LSAMP: variants seen among roughly 807,000 people sequenced by gnomAD.
The protein encoded by LSAMP is limbic system associated membrane protein, also known as limbic system-associated membrane protein.
A neutral mutation model predicts 38.6 loss-of-function variants in LSAMP; 7 were observed. The observed-to-expected ratio is 0.18, with a 90% CI of 0.10 to 0.34. The LOEUF (loss-of-function observed/expected upper bound fraction) is 0.34. LSAMP is among the 10% of genes least tolerant of loss of function. The pLI is 1.00. For missense variants in LSAMP, 313 were observed against 420.0 expected, an observed-to-expected ratio of 0.75 and a Z score of 2.23; for synonymous variants, 154 against 166.8, an observed-to-expected ratio of 0.92 and a Z score of 0.59.
chr3:116,286,793 T>G (rs1328463948), intron 1 of LSAMP, among the ~76,000 whole-genome samples: 1 of 152,100 alleles, frequency 6.6e-6, no homozygotes, highest in Non-Finnish European at 1.5e-5. Flanking sequence ...CTAGCAAATT[T>G]TTATCAGTAG....
At chr3:116,206,944 A>C (rs989670194) in intron 1 of LSAMP, among the ~76,000 whole-genome samples, 6 of 150,008 alleles carry the variant, frequency 4.0e-5, no homozygotes, top group African/African-American at 1.5e-4. Context: ...GCTGAGTTCA[A>C]TTCCTGGGTA....
chr3:116,200,385 G>A (rs1296165620), intron 1 of LSAMP, among the ~76,000 whole-genome samples: 1 of 152,152 alleles, frequency 6.6e-6, no homozygotes, highest in African/African-American at 2.4e-5. Flanking sequence ...TGTGGAATGT[G>A]CCATTCCCAA....
chr3:116,166,088 A>G (rs902502733), intron 1 of LSAMP, among the ~76,000 whole-genome samples: 5 of 152,230 alleles, frequency 3.3e-5, no homozygotes, highest in Non-Finnish European at 7.3e-5. Flanking sequence ...AGCCCCAGTG[A>G]TTACCATAAT....
At chr3:116,427,301 T>C (rs1255918905) in intron 1 of LSAMP, among the ~76,000 whole-genome samples, 10 of 151,476 alleles carry the variant, frequency 6.6e-5, no homozygotes, top group Admixed American at 5.9e-4. Context: ...TTTGTATTTT[T>C]AGTAGAGACG....
chr3:116,156,028 G>T (rs908052190), intron 1 of LSAMP, among the ~76,000 whole-genome samples: 1 of 152,176 alleles, frequency 6.6e-6, no homozygotes, highest in Non-Finnish European at 1.5e-5. Context: ...AACATATGAA[G>T]TGCAAGGGGC....
intron 6 of LSAMP, among the ~76,000 whole-genome samples, chr3:115,829,561 A>G (rs1445877468): frequency 1.3e-5 from 2 of 152,208 alleles, no homozygotes; most frequent in African/African-American, 4.8e-5. Context: ...TTCCTAGGAC[A>G]TACTTTATAC....
chr3:115,808,068 G>GCCTTCCTTTCCTTTCT lies in LSAMP; in HGVS notation c.*2233_*2248dup, dbSNP rs1933670817. The GCCTTCCTTTCCTTTCT allele has an allele frequency of 7.2e-6, 1 of 138,050 alleles. No homozygotes were observed. The highest frequency in any genetic ancestry group is 1.5e-5 in the Non-Finnish European group (1 of 65,164). The allele number at this position is 138,050 out of a possible 1,614,324, so 8.6% of individuals were successfully genotyped here. ...TGCTACTTAGATCTTTCTCCCTCCT[G>GCCTTCCTTTCCTTTCT]CCTTCCTTTCCTTTCTCCTTCCTTC... is the stretch of plus-strand genomic sequence containing the variant. On this transcript the variant is annotated 3_prime_UTR_variant, in exon 7 of 7. Coordinates refer to ENST00000490035, the MANE Select transcript of LSAMP (RefSeq NM_002338.5).
At chr3:116,352,199 T>C (rs1369439668) in intron 1 of LSAMP, among the ~76,000 whole-genome samples, 1 of 152,072 alleles carries the variant, frequency 6.6e-6, no homozygotes, top group East Asian at 1.9e-4. Context: ...ACAAAGGGAA[T>C]CTTTAAAATC....
intron 1 of LSAMP, among the ~76,000 whole-genome samples, chr3:116,382,515 GA>G (rs1276676530): frequency 2.3e-5 from 3 of 131,486 alleles, no homozygotes; most frequent in Non-Finnish European, 3.2e-5. Context: ...GGGGTCGGGG[GA>G]GGGGGGAGGG....
intron 4 of LSAMP, among the ~76,000 whole-genome samples, chr3:115,850,797 G>A (rs1357327881): frequency 6.6e-6 from 1 of 152,170 alleles, no homozygotes; most frequent in Non-Finnish European, 1.5e-5. Flanking sequence ...AGGTCTGCAA[G>A]GCTGGAGAAG....
chr3:116,175,821 G>A (rs1276520280), intron 1 of LSAMP, among the ~76,000 whole-genome samples: 1 of 152,074 alleles, frequency 6.6e-6, no homozygotes, highest in African/African-American at 2.4e-5. Flanking sequence ...CAGAGCCAAA[G>A]TTTCTGGTAC....
intron 3 of LSAMP, among the ~76,000 whole-genome samples, chr3:115,890,907 T>A (rs1377701657): frequency 6.6e-6 from 1 of 151,926 alleles, no homozygotes; most frequent in Non-Finnish European, 1.5e-5. Flanking sequence ...TTGCATTGCA[T>A]CATGAGCATC....
intron 1 of LSAMP, among the ~76,000 whole-genome samples, chr3:116,348,053 G>A (rs938577411): frequency 5.3e-5 from 8 of 151,548 alleles, no homozygotes; most frequent in African/African-American, 1.2e-4. Context: ...TGTATATCTG[G>A]TACTCCAGCA....
intron 1 of LSAMP, among the ~76,000 whole-genome samples, chr3:116,181,247 C>T (rs1710478875): frequency 1.3e-5 from 2 of 152,030 alleles, no homozygotes; most frequent in Middle Eastern, 6.8e-3. Context: ...GTAAAAATCA[C>T]AACACTGCCA....
intron 3 of LSAMP, among the ~76,000 whole-genome samples, chr3:115,923,456 T>C (rs1341263781): frequency 6.6e-6 from 1 of 152,228 alleles, no homozygotes; most frequent in African/African-American, 2.4e-5. Flanking sequence ...CTCATAAAGA[T>C]ATTTTGGTGC....
intron 1 of LSAMP, among the ~76,000 whole-genome samples, chr3:116,181,880 C>T (rs891312163): frequency 2.0e-5 from 3 of 151,946 alleles, no homozygotes; most frequent in Non-Finnish European, 2.9e-5. Flanking sequence ...AAATCTCTTT[C>T]GTGGGAATCA....
intron 1 of LSAMP, among the ~76,000 whole-genome samples, chr3:116,438,696 CA>C (rs1211005176): frequency 6.6e-6 from 1 of 152,142 alleles, no homozygotes; most frequent in Non-Finnish European, 1.5e-5. Flanking sequence ...GCATTAGAAG[CA>C]ACAACAAAAA....
chr3:116,120,552 C>T (rs1049173025), intron 1 of LSAMP, among the ~76,000 whole-genome samples: 4 of 152,102 alleles, frequency 2.6e-5, no homozygotes, highest in African/African-American at 9.7e-5. Flanking sequence ...TTTTTACTTG[C>T]AGTAGAAGTC....
intron 1 of LSAMP, among the ~76,000 whole-genome samples, chr3:116,353,753 A>G (rs1272719064): frequency 6.6e-6 from 1 of 152,112 alleles, no homozygotes; most frequent in Non-Finnish European, 1.5e-5. Flanking sequence ...AATATAATGA[A>G]ATGCATTGAT....
Sources: gnomAD v4.1 joint callset for allele counts (sites outside exome capture counted in the v4.1 genomes callset) on GRCh38, gnomAD v4.1.1 for gene constraint, MANE v1.5 for transcripts, NCBI Gene and HGNC (gene_info 2026-07-23, HGNC 2026-07-21) for gene names.